RASEF: variants seen among roughly 807,000 people sequenced by gnomAD.
RASEF encodes ras and EF-hand domain-containing protein.
In RASEF, 68 loss-of-function variants were observed where a neutral mutation model predicts 90.1. The observed-to-expected ratio is 0.75, with a 90% confidence interval of 0.62 to 0.92. RASEF has a LOEUF of 0.92. Among genes scored for constraint, RASEF ranks in the 40% least tolerant of loss-of-function variants. RASEF has a pLI of 0.00. For missense variants in RASEF, 949 were observed against 937.2 expected, an observed-to-expected ratio of 1.01 and a Z score of -0.16; for synonymous variants, 331 against 345.2, an observed-to-expected ratio of 0.96 and a Z score of 0.46.
chr9:83,206,956 C>T, the RASEF span, among the ~76,000 whole-genome samples: 5 of 152,114 alleles, frequency 3.3e-5, no homozygotes, highest in African/African-American at 7.2e-5. Context: ...CCGTCTAGGC[C>T]GGTCCCTTCA....
the RASEF span, among the ~76,000 whole-genome samples, chr9:83,123,416 C>T: frequency 2.6e-4 from 40 of 152,232 alleles, no homozygotes; most frequent in Non-Finnish European, 3.8e-4. Flanking sequence ...GGAGACCTGC[C>T]TTGCTGTTCC....
the RASEF span, among the ~76,000 whole-genome samples, chr9:83,137,338 T>C: frequency 1.3e-5 from 2 of 152,160 alleles, no homozygotes; most frequent in Non-Finnish European, 2.9e-5. Context: ...ACATAGTCAC[T>C]GGGTGCAAAA....
chr9:83,170,703 ATTTC>A, the RASEF span, among the ~76,000 whole-genome samples: 2 of 151,634 alleles, frequency 1.3e-5, no homozygotes, highest in Admixed American at 1.3e-4. Context: ...TGCTTTCTTG[ATTTC>A]TTTTTCGGAT....
the RASEF span, among the ~76,000 whole-genome samples, chr9:83,094,166 C>T: frequency 1.4e-5 from 2 of 145,888 alleles, no homozygotes; most frequent in Non-Finnish European, 1.5e-5. Flanking sequence ...CATTCCTGTT[C>T]CACAAGATCC....
chr9:82,999,209 T>C (rs1400562919), intron 12 of RASEF, among the ~76,000 whole-genome samples: 1 of 152,214 alleles, frequency 6.6e-6, no homozygotes, highest in African/African-American at 2.4e-5. Context: ...CTTTTACTAT[T>C]ATGCAAATTT....
In RASEF at chr9:83,005,409, G is replaced by A; in HGVS notation, c.1113+7C>T. The A allele has an allele frequency of 6.3e-7, 1 of 1,590,864 alleles. No homozygotes were observed. ...AATGAAATACATGGTAAAACTATGTGGCATACCAAAGATCTGTTGAACTTG... is the reference window on the plus strand; with the variant it reads ...AATGAAATACATGGTAAAACTATGTAGCATACCAAAGATCTGTTGAACTTG... On this transcript the variant is annotated splice_region_variant and intron_variant, in intron 8 of 16. Coordinates refer to ENST00000376447, the MANE Select transcript of RASEF (RefSeq NM_152573.4).
At chr9:83,214,996 C>G in the RASEF span, among the ~76,000 whole-genome samples, 1 of 151,714 alleles carries the variant, frequency 6.6e-6, no homozygotes, top group Non-Finnish European at 1.5e-5. Flanking sequence ...GAACCCCAGG[C>G]TCCAGAGCAG....
chr9:83,218,170 C>G, the RASEF span, among the ~76,000 whole-genome samples: 3 of 152,194 alleles, frequency 2.0e-5, no homozygotes, highest in Admixed American at 1.3e-4. Context: ...TGAATAAACA[C>G]TCCATTAGGG....
At chr9:83,157,796 TA>T in the RASEF span, among the ~76,000 whole-genome samples, 1 of 152,196 alleles carries the variant, frequency 6.6e-6, no homozygotes, top group African/African-American at 2.4e-5. Context: ...TTTACCAATC[TA>T]AAAAATATTT....
At chr9:83,088,913 TTTAAG>T in the RASEF span, among the ~76,000 whole-genome samples, 124 of 152,174 alleles carry the variant, frequency 8.1e-4, 1 homozygote, top group African/African-American at 2.8e-3. Flanking sequence ...TCCATTTACA[TTTAAG>T]TTAATTACTG....
chr9:83,170,210 C>A, the RASEF span, among the ~76,000 whole-genome samples: 1 of 151,966 alleles, frequency 6.6e-6, no homozygotes, highest in Admixed American at 6.6e-5. Context: ...ATGTTATTGG[C>A]ACCTTTGTCA....
At chr9:83,199,435 G>C in the RASEF span, among the ~76,000 whole-genome samples, 1 of 152,132 alleles carries the variant, frequency 6.6e-6, no homozygotes, top group Admixed American at 6.6e-5. Flanking sequence ...TGCATGTTGA[G>C]ACAGCATCAT....
At chr9:83,177,756 G>T in the RASEF span, among the ~76,000 whole-genome samples, 1 of 151,950 alleles carries the variant, frequency 6.6e-6, no homozygotes, top group African/African-American at 2.4e-5. Flanking sequence ...ATTAGAGTTT[G>T]TTGAGCTTCT....
intron 3 of RASEF, among the ~76,000 whole-genome samples, chr9:83,018,860 C>T (rs1229261967): frequency 6.6e-6 from 1 of 152,070 alleles, no homozygotes; most frequent in Non-Finnish European, 1.5e-5. Context: ...AATAAACCTA[C>T]ACAAATAGAA....
chr9:83,136,833 T>C, the RASEF span, among the ~76,000 whole-genome samples: 1 of 152,098 alleles, frequency 6.6e-6, no homozygotes, highest in African/African-American at 2.4e-5. Context: ...GTCCTCTTTA[T>C]GGGTATAACA....
chr9:83,179,103 A>G, the RASEF span, among the ~76,000 whole-genome samples: 10 of 152,190 alleles, frequency 6.6e-5, no homozygotes, highest in Non-Finnish European at 1.3e-4. Context: ...CAGTACTTAT[A>G]CCATTATTTA....
the RASEF span, among the ~76,000 whole-genome samples, chr9:83,124,989 C>T: frequency 6.6e-6 from 1 of 152,250 alleles, no homozygotes; most frequent in African/African-American, 2.4e-5. Context: ...CCAATTGCTT[C>T]TCTTCCTTGC....
intron 1 of RASEF, chr9:83,048,019 G>T: frequency 3.1e-6 from 2 of 655,156 alleles, no homozygotes; most frequent in Non-Finnish European, 3.8e-6. Flanking sequence ...GCTGTCCAGA[G>T]CTGAAAAGTG....
the RASEF span, among the ~76,000 whole-genome samples, chr9:83,086,728 T>C: frequency 6.6e-6 from 1 of 152,126 alleles, no homozygotes; most frequent in East Asian, 1.9e-4. Context: ...TCCTCAACAT[T>C]TGGGCCTCTT....
Sources: gnomAD v4.1 joint callset for allele counts (sites outside exome capture counted in the v4.1 genomes callset) on GRCh38, gnomAD v4.1.1 for gene constraint, MANE v1.5 for transcripts, NCBI Gene and HGNC (gene_info 2026-07-23, HGNC 2026-07-21) for gene names.